GRIA1: variants seen among roughly 807,000 people sequenced by gnomAD.
GRIA1 encodes glutamate ionotropic receptor AMPA type subunit 1.
Under a neutral mutation model 99.2 loss-of-function variants are expected in GRIA1, and 31 were observed. The observed-to-expected ratio is 0.31, with a 90% CI of 0.23 to 0.42. The LOEUF is 0.42. Ranked by LOEUF, GRIA1 falls within the 10% of genes least tolerant of loss-of-function variation. The pLI, the probability that GRIA1 is intolerant of heterozygous loss-of-function variation, is 1.00. For synonymous variants in GRIA1, 438 were observed against 432.4 expected (o/e 1.01, Z -0.16); for missense variants, 782 against 1,157.5 (o/e 0.68, Z 4.71).
intron 15 of GRIA1, among the ~76,000 whole-genome samples, chr5:153,806,300 C>T (rs573047709): frequency 6.6e-6 from 1 of 152,144 alleles, no homozygotes; most frequent in East Asian, 1.9e-4. Context: ...GAGTCTCACC[C>T]TGTTGTCCAG....
At chr5:153,804,598 A>G (rs1414142079) in intron 15 of GRIA1, among the ~76,000 whole-genome samples, 3 of 152,214 alleles carry the variant, frequency 2.0e-5, no homozygotes, top group African/African-American at 7.2e-5. Context: ...TCTAAGACAC[A>G]GTACAGCATC....
rs116419431 is a variant in GRIA1, at chr5:153,603,876, T to A, written c.221-43052T>A. On this transcript the variant is annotated intron_variant, in intron 2 of 15. Coordinates refer to ENST00000285900, the MANE Select transcript of GRIA1 (RefSeq NM_000827.4). Reference sequence around the variant, plus strand: ...TCCCCATACCACAGGGATGTTGTGATGATTAAATGATAAGCAGAGATTTTA... The same window carrying A: ...TCCCCATACCACAGGGATGTTGTGAAGATTAAATGATAAGCAGAGATTTTA... Among the ~76,000 whole-genome samples the A allele has an allele frequency of 5.4e-3, 830 of 152,344 alleles. 5 individuals are homozygous for A. The highest frequency in any genetic ancestry group is 0.01 in the Middle Eastern group (3 of 294).
chr5:153,631,356 A>G (rs1482821441), intron 2 of GRIA1, among the ~76,000 whole-genome samples: 1 of 152,256 alleles, frequency 6.6e-6, no homozygotes, highest in East Asian at 1.9e-4. Flanking sequence ...ATTTCTGCTC[A>G]TATCACCTTT....
chr5:153,502,644 C>T (rs1476453335), intron 2 of GRIA1, among the ~76,000 whole-genome samples: 1 of 152,166 alleles, frequency 6.6e-6, no homozygotes, highest in Non-Finnish European at 1.5e-5. Flanking sequence ...TGTGTCCCAG[C>T]CTGCTGTCCA....
rs527931770 is a variant in GRIA1, at chr5:153,779,614, G to T, written c.2270+9199G>T. Among the ~76,000 whole-genome samples the T allele has an allele frequency of 2.6e-5, 4 of 152,308 alleles. No individual in the cohort carries two copies. In the East Asian group the frequency reaches 7.7e-4, roughly 29 times the overall value. On this transcript the variant is annotated intron_variant, in intron 13 of 15. Coordinates refer to ENST00000285900, the MANE Select transcript of GRIA1 (RefSeq NM_000827.4). ...TCACTCTTTTTGCCCAGGCTAGAGT[G>T]CAATGGCGCAATCTCAGCTCACTGC...
chr5:153,756,084 G>A (rs1762809968), intron 11 of GRIA1, among the ~76,000 whole-genome samples: 1 of 152,200 alleles, frequency 6.6e-6, no homozygotes, highest in South Asian at 2.1e-4. Context: ...AAAGTTATCT[G>A]GCAGTTTGGC....
intron 11 of GRIA1, among the ~76,000 whole-genome samples, chr5:153,743,724 T>TTAAG (rs1422197795): frequency 1.3e-5 from 2 of 152,342 alleles, no homozygotes; most frequent in Non-Finnish European, 2.9e-5. Context: ...TGTTCCTGTC[T>TTAAG]TAAGTTCAAC....
intron 2 of GRIA1, among the ~76,000 whole-genome samples, chr5:153,571,206 A>G (rs528715167): frequency 2.1e-4 from 32 of 152,312 alleles, no homozygotes; most frequent in Non-Finnish European, 3.1e-4. Flanking sequence ...GACCAAAACT[A>G]TATCCAGATA....
chr5:153,802,797 C>T (rs917917659), intron 15 of GRIA1, among the ~76,000 whole-genome samples: 1 of 152,162 alleles, frequency 6.6e-6, no homozygotes, highest in Non-Finnish European at 1.5e-5. Context: ...AGAGTGATGG[C>T]TACCAAGGCT....
In GRIA1 at chr5:153,677,152, T is replaced by G; in HGVS notation, c.1020T>G (p.Ala340=). ...GCCAAGGGATCGACATCCAGAGAGC[T>G]CTGCAGCAGGTAAGACCACCAATGT... is the stretch of plus-strand genomic sequence containing the variant. The part of the protein sequence containing the change: ...PWGQGIDIQR[A]LQQVRFEGLT... Residue 340 remains alanine (A), a synonymous_variant, in exon 7 of 16, where the codon GCT becomes GCG. Transcript: ENST00000285900. 1 of 1,504,394 alleles carries G rather than the reference T, an allele frequency of 6.6e-7. No homozygotes were observed. Among genetic ancestry groups the G allele is most frequent in the Non-Finnish European group, 9.0e-7 (1 of 1,115,908 alleles). 93.2% of individuals were successfully genotyped at this position (1,504,394 alleles called of 1,614,324 possible).
chr5:153,618,781 G>GT (rs1308402882), intron 2 of GRIA1, among the ~76,000 whole-genome samples: 3 of 152,174 alleles, frequency 2.0e-5, no homozygotes, highest in Non-Finnish European at 4.4e-5. Flanking sequence ...ATAAAATACA[G>GT]TGCCTAGGTC....
chr5:153,594,314 C>T (rs971425415), intron 2 of GRIA1, among the ~76,000 whole-genome samples: 23 of 152,112 alleles, frequency 1.5e-4, no homozygotes, highest in African/African-American at 5.6e-4. Flanking sequence ...TCATCCTTGC[C>T]TTCATTTCTG....
intron 2 of GRIA1, among the ~76,000 whole-genome samples, chr5:153,526,860 C>A (rs1402718759): frequency 6.6e-6 from 1 of 152,188 alleles, no homozygotes; most frequent in Admixed American, 6.5e-5. Context: ...AGCTTCATGA[C>A]TCTATGCTAA....
intron 2 of GRIA1, among the ~76,000 whole-genome samples, chr5:153,570,681 T>C (rs1376966726): frequency 1.3e-5 from 2 of 152,314 alleles, no homozygotes; most frequent in East Asian, 3.9e-4. Flanking sequence ...TGGCGCCTTA[T>C]CTTCTCCAAG....
At chr5:153,524,190 G>C (rs1757404346) in intron 2 of GRIA1, among the ~76,000 whole-genome samples, 1 of 152,168 alleles carries the variant, frequency 6.6e-6, no homozygotes, top group African/African-American at 2.4e-5. Context: ...AGCTGGGCGT[G>C]GTGGGGCTCA....
At position 153,695,448 on chromosome 5, in the gene GRIA1, G is replaced by C. The variant is rs182134025; in HGVS notation, c.1135-2596G>C. 2.4e-3 allele frequency among the ~76,000 whole-genome samples: 359 copies of C among 152,302 alleles called. 3 individuals are homozygous for C. Among genetic ancestry groups the C allele is most frequent in the African/African-American group, 8.2e-3 (340 of 41,572 alleles). On this transcript the variant is annotated intron_variant, in intron 8 of 15. Transcript: ENST00000285900. ...TTAGAGCAAGGATGAGGAAGCCAGA[G>C]CTCTCTCCTCTTCACTGCCCCTCAC...
chr5:153,736,518 C>A (rs939339136), intron 11 of GRIA1, among the ~76,000 whole-genome samples: 1 of 152,158 alleles, frequency 6.6e-6, no homozygotes, highest in Non-Finnish European at 1.5e-5. Flanking sequence ...TTCATAGTTC[C>A]TGTTTATCAA....
intron 1 of GRIA1, 109 bp from the exon 2 acceptor site, chr5:153,493,819 G>A: frequency 9.3e-7 from 1 of 1,081,028 alleles, no homozygotes; most frequent in Non-Finnish European, 1.4e-6. Flanking sequence ...CAAGGCTACA[G>A]CTAGTGAGTT....
chr5:153,706,672 C>T (rs1176659754), intron 11 of GRIA1, among the ~76,000 whole-genome samples: 2 of 152,148 alleles, frequency 1.3e-5, no homozygotes, highest in African/African-American at 4.8e-5. Flanking sequence ...CAGAAAGTCA[C>T]CTCACCCTAG....
Sources: gnomAD v4.1 joint callset for allele counts (sites outside exome capture counted in the v4.1 genomes callset) on GRCh38, gnomAD v4.1.1 for gene constraint, MANE v1.5 for transcripts, NCBI Gene and HGNC (gene_info 2026-07-23, HGNC 2026-07-21) for gene names.